Variants in PLEKHG6 observed in about 807,000 individuals in gnomAD.
PLEKHG6 encodes pleckstrin homology domain-containing family G member 6.
PLEKHG6 carries 91 observed loss-of-function variants against 97.5 expected under a neutral mutation model. The observed-to-expected ratio is 0.93, with a 90% CI of 0.79 to 1.11. PLEKHG6 has a LOEUF of 1.11. Ranked by LOEUF, PLEKHG6 falls within the 50% of genes most tolerant of loss-of-function variation. The probability of loss-of-function intolerance (pLI) is 0.00; values close to 1 mark genes in which losing one functional copy is unlikely to be tolerated. For missense variants in PLEKHG6, 1,044 were observed against 1,031.0 expected (o/e 1.01, Z -0.17); for synonymous variants, 466 against 425.5 (o/e 1.10, Z -1.17).
At chr12:6,321,919 G>T (rs1338328462) in intron 13 of PLEKHG6, among the ~76,000 whole-genome samples, 1 of 151,750 alleles carries the variant, frequency 6.6e-6, no homozygotes, top group East Asian at 1.9e-4. Context: ...TCCAGGTTCA[G>T]ACACCGGTCC....
Position 6,318,396 on chromosome 12 carries a change from A to G in PLEKHG6, c.1251A>G (p.Arg417=). 6.2e-7 allele frequency: 1 copy of G among 1,611,098 alleles called. No homozygotes were observed. The highest frequency in any genetic ancestry group is 8.5e-7 in the Non-Finnish European group (1 of 1,178,878). ...AGCTGCTGCTGGAGGGGCCTGTGCGAGTGAAGGAGGGACGAGAAGGGAAGG... is the reference window on the plus strand; with the variant it reads ...AGCTGCTGCTGGAGGGGCCTGTGCGGGTGAAGGAGGGACGAGAAGGGAAGG... ...TRQLLLEGPV[R]VKEGREGKLD... is the part of the protein sequence containing the mutation. The change falls in exon 11 of 16, where the codon CGA becomes CGG. Residue 417 remains arginine, a synonymous_variant. Transcript: ENST00000684764.
chr12:6,312,467 C>A, intron 2 of PLEKHG6, 103 bp downstream of exon 2: 1 of 1,306,782 alleles, frequency 7.7e-7, no homozygotes, highest in Non-Finnish European at 1.0e-6. Flanking sequence ...TTGAGCTATT[C>A]CTGCCCCTTA....
intron 14 of PLEKHG6, 21 bp from the exon 15 acceptor site, chr12:6,327,229 TCTGA>T (rs1196379285): frequency 6.8e-7 from 1 of 1,475,634 alleles, no homozygotes; most frequent in Non-Finnish European, 9.3e-7. Context: ...CCCCTACGCA[TCTGA>T]CTCTTTGCCA....
Position 6,317,196 on chromosome 12 carries a change from G to C in PLEKHG6, c.757-107G>C, listed in dbSNP as rs1947497591. On this transcript the variant is annotated intron_variant, in intron 7 of 15. Coordinates refer to ENST00000684764, the MANE Select transcript of PLEKHG6 (RefSeq NM_001384598.1). Reference sequence around the variant, plus strand: ...AGGGACTGTCAGGAGCTGGGCTAAGGGCCCCTGCGAGGCTCTCTTCACCTG... The same window carrying C: ...AGGGACTGTCAGGAGCTGGGCTAAGCGCCCCTGCGAGGCTCTCTTCACCTG... 33 of 704,922 alleles carry C rather than the reference G, an allele frequency of 4.7e-5. No homozygotes were observed. The South Asian group carries it at 5.4e-4, about 11-fold the overall frequency. 43.7% of individuals were successfully genotyped at this position (704,922 alleles called of 1,614,324 possible). A position where few individuals can be genotyped will look rare whatever the true frequency, so the allele number is the denominator to read the frequency against.
chr12:6,314,869 G>T, intron 3 of PLEKHG6, 136 bp from the exon 4 acceptor site: 1 of 790,018 alleles, frequency 1.3e-6, no homozygotes, highest in Non-Finnish European at 2.1e-6. Flanking sequence ...ACTCAGTGCT[G>T]CTTGCCATCT....
chr12:6,312,464 A>T, intron 2 of PLEKHG6, 100 bp downstream of exon 2: 1 of 1,324,292 alleles, frequency 7.6e-7, no homozygotes, highest in Non-Finnish European at 1.0e-6. Flanking sequence ...AGGTTGAGCT[A>T]TTCCTGCCCC....
chr12:6,314,902 G>A (rs73049934), intron 3 of PLEKHG6, 103 bp from the exon 4 acceptor site: 28 of 1,071,154 alleles, frequency 2.6e-5, no homozygotes, highest in East Asian at 4.8e-5. Flanking sequence ...ACAGACACAC[G>A]CACACACTTT....
rs1317381820 is a variant in PLEKHG6, at chr12:6,319,259, C to T, written c.1524+151C>T. 12 of 625,560 alleles carry T rather than the reference C, an allele frequency of 1.9e-5. No homozygotes were observed. In the African/African-American group the frequency reaches 2.2e-4, roughly 12 times the overall value. The allele number at this position is 625,560 out of a possible 1,614,324, so 38.8% of individuals were successfully genotyped here. A position where few individuals can be genotyped will look rare whatever the true frequency, so the allele number is the denominator to read the frequency against. On this transcript the variant is annotated intron_variant, in intron 13 of 15. Coordinates refer to ENST00000684764, the MANE Select transcript of PLEKHG6 (RefSeq NM_001384598.1). ...GGTCAGGAGTTTGAGACCAGCCTGGCCAACATGGTGAAACCCCGTCTCTAC... is the reference window on the plus strand; with the variant it reads ...GGTCAGGAGTTTGAGACCAGCCTGGTCAACATGGTGAAACCCCGTCTCTAC...
intron 13 of PLEKHG6, among the ~76,000 whole-genome samples, chr12:6,321,879 T>C (rs1047884588): frequency 6.6e-6 from 1 of 150,518 alleles, no homozygotes; most frequent in African/African-American, 2.4e-5. Context: ...AGGGATACTT[T>C]GGTTAAAGTC....
rs139351908 is a variant in PLEKHG6 at position 6,317,307 on chromosome 12, G to C, written c.761G>C (p.Gly254Ala). 5.0e-4 allele frequency: 802 copies of C among 1,611,102 alleles called. 2 individuals are homozygous for C. The African/African-American group carries it at 9.9e-3, about 20-fold the overall frequency. Reference protein sequence around the residue: ...IGLQSGFLTFGQRFHPYVQYC... With the variant: ...IGLQSGFLTFAQRFHPYVQYC... ...CTCCCGTATCTGTCTCTCCAGTTTG[G>C]CCAGCGGTTCCACCCCTATGTCCAG... is the stretch of plus-strand genomic sequence containing the variant. The change falls in exon 8 of 16, where the codon GGC (glycine) becomes GCC (alanine). Residue 254 changes from glycine to alanine, a missense_variant. Physicochemically the swap from Gly to Ala is moderately conservative, Grantham distance 60. Coordinates refer to ENST00000684764, the MANE Select transcript of PLEKHG6 (RefSeq NM_001384598.1).
intron 9 of PLEKHG6, 24 bp downstream of exon 9, chr12:6,317,720 A>T (rs1947527779): frequency 1.2e-6 from 2 of 1,611,218 alleles, no homozygotes; most frequent in Non-Finnish European, 1.7e-6. Flanking sequence ...TGGGGCTGGG[A>T]CTCTGGTGAA....
At chr12:6,318,127 A>C in intron 10 of PLEKHG6, 133 bp downstream of exon 10, 1 of 1,360,054 alleles carries the variant, frequency 7.4e-7, no homozygotes, top group Non-Finnish European at 1.0e-6. Context: ...TGGTGGTGAC[A>C]GTCCAAGGGG....
Position 6,316,351 on chromosome 12 carries a change from C to T in PLEKHG6, c.703C>T (p.Arg235Trp), listed in dbSNP as rs145235051. 2.7e-5 allele frequency: 43 copies of T among 1,564,660 alleles called. No individual in the cohort carries two copies. Among genetic ancestry groups the T allele is most frequent in the Non-Finnish European group, 3.6e-5 (42 of 1,154,176 alleles). ...EVLGPTLEET[R>W]ASGQPLDPIG... ...GCTGGGGCCCACCCTGGAGGAGACT[C>T]GGGCCTCGGGCCAGCCTCTGGACCC... is the stretch of plus-strand genomic sequence containing the variant. The change falls in exon 7 of 16, where the codon CGG becomes TGG. Residue 235 changes from arginine to tryptophan, a missense_variant. By Grantham distance (101) the Arg-to-Trp change is moderately radical (BLOSUM62 -3). Transcript: ENST00000684764. This position sits in a 1 kb window ranked among gnomAD's most constrained non-coding sequence, Gnocchi z 4.1.
At chr12:6,322,318 G>A (rs1373796907) in intron 13 of PLEKHG6, among the ~76,000 whole-genome samples, 1 of 152,202 alleles carries the variant, frequency 6.6e-6, no homozygotes, top group Non-Finnish European at 1.5e-5. Flanking sequence ...TAACCTAGTG[G>A]AGATATCTTA....
At chr12:6,324,726 G>A (rs1414907244) in intron 13 of PLEKHG6, among the ~76,000 whole-genome samples, 2 of 152,166 alleles carry the variant, frequency 1.3e-5, no homozygotes, top group African/African-American at 4.8e-5. Flanking sequence ...GGAACTATAA[G>A]CCTGGTGTCA....
At position 6,326,473 on chromosome 12, in the gene PLEKHG6, A is replaced by G. The variant is rs540735005; in HGVS notation, c.1570A>G (p.Arg524Gly). Residue 524 changes from arginine (R) to glycine (G), a missense_variant, in exon 14 of 16, where the codon AGG becomes GGG. Physicochemically the swap from Arg to Gly is moderately radical, Grantham distance 125. Transcript: ENST00000684764. Reference sequence around the variant, plus strand: ...GGCAGAGGAGTATGTTCAACAGAAGAGGGAGCTCCTGACCCTCTATCGGGA... The same window carrying G: ...GGCAGAGGAGTATGTTCAACAGAAGGGGGAGCTCCTGACCCTCTATCGGGA... ...LKAEEYVQQKRELLTLYRDQD... is the reference protein window; with the variant it reads ...LKAEEYVQQKGELLTLYRDQD... 6.2e-7 allele frequency: 1 copy of G among 1,613,384 alleles called. No homozygotes were observed. The highest frequency in any genetic ancestry group is 2.2e-5 in the East Asian group (1 of 44,840).
chr12:6,328,265 G>A lies in PLEKHG6; in HGVS notation c.*120G>A. ...GACCACATTTCCCAAAGGAAGCCTG[G>A]CCCAGGCACCCTGCCTCCTGCTCTG... On this transcript the variant is annotated 3_prime_UTR_variant, in exon 16 of 16. Transcript: ENST00000684764. The A allele has an allele frequency of 9.9e-7, 1 of 1,010,700 alleles. No individual in the cohort carries two copies. Among genetic ancestry groups the A allele is most frequent in the South Asian group, 1.4e-5 (1 of 71,952 alleles). 62.6% of individuals were successfully genotyped at this position (1,010,700 alleles called of 1,614,324 possible).
At chr12:6,328,111 C>T (rs752371881) in intron 15 of PLEKHG6, 25 bp from the exon 16 acceptor site, 4 of 1,614,052 alleles carry the variant, frequency 2.5e-6, no homozygotes, top group Non-Finnish European at 3.4e-6. Context: ...TGAATGTCGC[C>T]TAACACCCCC....
In PLEKHG6 at chr12:6,316,352, G is replaced by A. The variant is rs767451979; in HGVS notation, c.704G>A (p.Arg235Gln). The part of the protein sequence containing the change: ...EVLGPTLEET[R>Q]ASGQPLDPIG... ...CTGGGGCCCACCCTGGAGGAGACTC[G>A]GGCCTCGGGCCAGCCTCTGGACCCC... Residue 235 changes from arginine to glutamine, a missense_variant, in exon 7 of 16, where the codon CGG becomes CAG. Physicochemically the swap from Arg to Gln is conservative, Grantham distance 43. Transcript: ENST00000684764. The surrounding 1 kb of genome is among the most constrained non-coding windows in gnomAD (Gnocchi z 4.1). The A allele has an allele frequency of 7.7e-6, 12 of 1,565,432 alleles. No individual in the cohort carries two copies. Among genetic ancestry groups the A allele is most frequent in the East Asian group, 7.1e-5 (3 of 42,304 alleles).
Sources: gnomAD v4.1 joint callset for allele counts (sites outside exome capture counted in the v4.1 genomes callset) on GRCh38, gnomAD v4.1.1 for gene constraint, Gnocchi (gnomAD v3.1) non-coding constraint, MANE v1.5 for transcripts, NCBI Gene and HGNC (gene_info 2026-07-23, HGNC 2026-07-21) for gene names.